NRG1: variants seen among roughly 807,000 people sequenced by gnomAD.
NRG1 encodes the protein pro-neuregulin-1, membrane-bound isoform.
A neutral mutation model predicts 63.8 loss-of-function variants in NRG1; 18 were observed. The ratio of observed to expected loss-of-function variants is 0.28; its 90% CI spans 0.19 to 0.42. NRG1 has a LOEUF of 0.42. Among genes scored for constraint, NRG1 ranks in the 10% least tolerant of loss-of-function variants. The probability of loss-of-function intolerance (pLI) is 1.00; values close to 1 mark genes in which losing one functional copy is unlikely to be tolerated. For missense variants in NRG1, 762 were observed against 814.7 expected (o/e 0.94, Z 0.79); for synonymous variants, 302 against 301.3 (o/e 1.00, Z -0.02).
intron 1 of NRG1, among the ~76,000 whole-genome samples, chr8:31,651,527 G>A (rs1288632085): frequency 1.3e-5 from 2 of 152,068 alleles, no homozygotes; most frequent in South Asian, 2.1e-4. Flanking sequence ...TTTTCAGGGG[G>A]GTGGCAGCAG....
At chr8:31,946,488 A>G (rs924374494) in intron 1 of NRG1, among the ~76,000 whole-genome samples, 12 of 152,230 alleles carry the variant, frequency 7.9e-5, no homozygotes, top group Admixed American at 3.9e-4. Flanking sequence ...AACAATGAAG[A>G]TTTATATCTA....
At chr8:32,314,873 T>G (rs1261212498) in intron 1 of NRG1, among the ~76,000 whole-genome samples, 2 of 152,192 alleles carry the variant, frequency 1.3e-5, no homozygotes, top group Non-Finnish European at 2.9e-5. Flanking sequence ...CATCAAACAC[T>G]GTCCTCTCTG....
chr8:32,045,433 C>G (rs757981037), intron 1 of NRG1, among the ~76,000 whole-genome samples: 1 of 151,864 alleles, frequency 6.6e-6, no homozygotes, highest in Non-Finnish European at 1.5e-5. Flanking sequence ...TAATGCAACT[C>G]CAGTCAAAAT....
chr8:32,588,547 GA>G (rs1269333555), intron 1 of NRG1, among the ~76,000 whole-genome samples: 3 of 152,184 alleles, frequency 2.0e-5, no homozygotes, highest in African/African-American at 7.2e-5. Context: ...ATAAAATGCT[GA>G]AATACTGCCC....
chr8:32,568,381 C>T (rs1588372324), intron 1 of NRG1, among the ~76,000 whole-genome samples: 1 of 152,082 alleles, frequency 6.6e-6, no homozygotes. Context: ...TCCACTAGTT[C>T]TTTAAGTTAA....
intron 1 of NRG1, among the ~76,000 whole-genome samples, chr8:32,013,448 G>A (rs778519554): frequency 6.6e-6 from 1 of 152,170 alleles, no homozygotes; most frequent in South Asian, 2.1e-4. Context: ...GCTAATAACT[G>A]GCATGGATGG....
intron 1 of NRG1, among the ~76,000 whole-genome samples, chr8:32,118,812 A>G (rs1187254635): frequency 1.3e-5 from 2 of 152,134 alleles, no homozygotes; most frequent in African/African-American, 4.8e-5. Context: ...GTGTTGTTTC[A>G]CCGTCCTTTG....
intron 1 of NRG1, among the ~76,000 whole-genome samples, chr8:31,963,801 C>T (rs565121333): frequency 3.7e-4 from 57 of 152,160 alleles, no homozygotes; most frequent in African/African-American, 1.3e-3. Flanking sequence ...TTGTACTTTC[C>T]GCTCTCAGGG....
intron 6 of NRG1, among the ~76,000 whole-genome samples, chr8:32,738,477 A>G (rs1403501166): frequency 1.3e-5 from 2 of 152,108 alleles, no homozygotes; most frequent in African/African-American, 4.8e-5. Flanking sequence ...TACAACAAGT[A>G]CTTGTTATTC....
At chr8:31,990,322 G>A (rs939055035) in intron 1 of NRG1, among the ~76,000 whole-genome samples, 1 of 152,034 alleles carries the variant, frequency 6.6e-6, no homozygotes. Flanking sequence ...CCAAATAGTT[G>A]TTATGTACCC....
intron 1 of NRG1, among the ~76,000 whole-genome samples, chr8:32,485,682 A>G (rs1199478828): frequency 6.6e-6 from 1 of 152,226 alleles, no homozygotes; most frequent in Non-Finnish European, 1.5e-5. Flanking sequence ...CACACGTATT[A>G]ACCAAACAAG....
intron 1 of NRG1, among the ~76,000 whole-genome samples, chr8:32,110,276 A>G (rs2131439302): frequency 6.7e-6 from 1 of 149,882 alleles, no homozygotes; most frequent in South Asian, 2.1e-4. Context: ...AGGGCTCAAG[A>G]GTCAAAGGAC....
chr8:31,839,011 G>C (rs1825942682), intron 1 of NRG1, among the ~76,000 whole-genome samples: 2 of 152,138 alleles, frequency 1.3e-5, no homozygotes, highest in Non-Finnish European at 2.9e-5. Flanking sequence ...GAAATGTAGT[G>C]CTGGCATTTA....
chr8:32,472,317 C>T (rs936427238), intron 1 of NRG1, among the ~76,000 whole-genome samples: 2 of 152,102 alleles, frequency 1.3e-5, no homozygotes, highest in African/African-American at 4.8e-5. Flanking sequence ...TTACAGACAC[C>T]CGCCATGACA....
chr8:32,161,315 T>C (rs1838800895), intron 1 of NRG1, among the ~76,000 whole-genome samples: 1 of 152,150 alleles, frequency 6.6e-6, no homozygotes, highest in South Asian at 2.1e-4. Flanking sequence ...GAGAGACTCA[T>C]TGAATCAGTT....
intron 1 of NRG1, among the ~76,000 whole-genome samples, chr8:31,924,025 C>T (rs1388806988): frequency 6.6e-6 from 1 of 152,174 alleles, no homozygotes; most frequent in Non-Finnish European, 1.5e-5. Flanking sequence ...TGGCCTCCAG[C>T]TCCATCTTTG....
intron 1 of NRG1, among the ~76,000 whole-genome samples, chr8:32,214,011 T>A (rs1267549507): frequency 6.6e-6 from 1 of 152,150 alleles, no homozygotes; most frequent in Non-Finnish European, 1.5e-5. Context: ...GGAAACCTAT[T>A]GTAGATAAAG....
At chr8:31,843,640 T>G (rs1183817876) in intron 1 of NRG1, among the ~76,000 whole-genome samples, 2 of 152,172 alleles carry the variant, frequency 1.3e-5, no homozygotes, top group Admixed American at 6.5e-5. Flanking sequence ...TCAGATTCAA[T>G]TTGCTAAGAA....
chr8:32,279,454 G>A (rs1024767507), intron 1 of NRG1, among the ~76,000 whole-genome samples: 12 of 152,162 alleles, frequency 7.9e-5, no homozygotes, highest in African/African-American at 2.9e-4. Context: ...TCTGGTTCAA[G>A]CAATTCTCCT....
Sources: allele counts gnomAD v4.1 joint callset (sites outside exome capture counted in the v4.1 genomes callset), GRCh38; gene constraint gnomAD v4.1.1; transcripts MANE v1.5; gene names NCBI Gene and HGNC (gene_info 2026-07-23, HGNC 2026-07-21).